The following ZNF75D variants were observed in gnomAD, a reference collection of about 807,000 sequenced individuals.
ZNF75D encodes zinc finger protein 75.
Under a neutral mutation model 33.3 loss-of-function variants are expected in ZNF75D, and 33 were observed. The ratio of observed to expected loss-of-function variants is 0.99; its 90% CI spans 0.75 to 1.32. The LOEUF (loss-of-function observed/expected upper bound fraction) is 1.32, where lower values mean the gene tolerates loss of function less well. Among genes scored for constraint, ZNF75D ranks in the 40% most tolerant of loss-of-function variants. ZNF75D has a pLI of 0.00. For synonymous variants in ZNF75D, 113 were observed against 130.6 expected, an observed-to-expected ratio of 0.87 and a Z score of 0.92; for missense variants, 338 against 367.5, an observed-to-expected ratio of 0.92 and a Z score of 0.66.
rs140863708 is a variant in ZNF75D at position 135,294,118 on chromosome X, G to A, written c.23C>T (p.Ala8Val). 1.6e-4 allele frequency: 197 copies of A among 1,194,768 alleles called. 1 individual carries two copies. The East Asian group carries it at 4.1e-3, about 25-fold the overall frequency. MAMRELN[A>V]DSCSSPQMGA... ...CATCTGGGGGCTTGAGCATGAATCC[G>A]CGTTCAGCTCTCTCATCGCCATTTG... The change falls in exon 3 of 7, where the codon GCG becomes GTG. Residue 8 changes from alanine (A) to valine (V), a missense_variant. Around this residue, in one of 3 missense-constraint regions of ZNF75D, gnomAD observed 254 missense variants for 267.7 expected, o/e 0.95. Coordinates refer to ENST00000370766, the MANE Select transcript of ZNF75D (RefSeq NM_007131.5).
chrX:135,319,356 A>C (rs2084467792), intron 1 of ZNF75D, among the ~76,000 whole-genome samples: 1 of 112,361 alleles, frequency 8.9e-6, no homozygotes, highest in Non-Finnish European at 1.9e-5. Flanking sequence ...TTTGTATTAC[A>C]TGCAACAAAT....
At chrX:135,265,747 G>T (rs920448074) in intron 1 of ZNF75D, among the ~76,000 whole-genome samples, 19 of 111,866 alleles carry the variant, frequency 1.7e-4, no homozygotes, top group Non-Finnish European at 2.4e-4. Flanking sequence ...TGATGGTAAT[G>T]AGCAAGAAGA....
chrX:135,295,062 A>G (rs1302592073), intron 2 of ZNF75D, among the ~76,000 whole-genome samples: 1 of 111,880 alleles, frequency 8.9e-6, no homozygotes, highest in Admixed American at 9.4e-5. Context: ...GGTGATGATT[A>G]AGGTTCTTTA....
chrX:135,294,416 C>T (rs1438359058), intron 2 of ZNF75D, among the ~76,000 whole-genome samples, 158 bp from the exon 3 acceptor site: 2 of 112,354 alleles, frequency 1.8e-5, no homozygotes, highest in African/African-American at 6.5e-5. Context: ...GATTAGATTA[C>T]TCAGGAGGTA....
intron 1 of ZNF75D, among the ~76,000 whole-genome samples, chrX:135,331,894 A>T (rs2084655913): frequency 9.0e-6 from 1 of 111,482 alleles, no homozygotes; most frequent in African/African-American, 3.3e-5. Context: ...CCCTGCTCTG[A>T]TTCAATATTG....
chrX:135,313,114 T>A (rs1160323585), intron 1 of ZNF75D, among the ~76,000 whole-genome samples: 2 of 111,905 alleles, frequency 1.8e-5, no homozygotes, highest in Non-Finnish European at 3.8e-5. Flanking sequence ...TTTCTTCTAC[T>A]AGTTTAATAG....
rs1304224306 is a variant in ZNF75D, at chrX:135,295,812, C to G, written c.-163G>C. 2 of 112,242 alleles carry G rather than the reference C, an allele frequency of 1.8e-5. No individual in the cohort carries two copies. Among genetic ancestry groups the G allele is most frequent in the African/African-American group, 6.5e-5 (2 of 30,785 alleles). 9.3% of individuals were successfully genotyped at this position (112,242 alleles called of 1,213,427 possible). A position where few individuals can be genotyped will look rare whatever the true frequency, so the allele number is the denominator to read the frequency against. Reference sequence around the variant, plus strand: ...CCCCGGAGGCCACTTTCCTCTTCCTCGGCTCGACTACGCCTCTGCCTCTGT... The same window carrying G: ...CCCCGGAGGCCACTTTCCTCTTCCTGGGCTCGACTACGCCTCTGCCTCTGT... On this transcript the variant is annotated 5_prime_UTR_variant, in exon 2 of 7. Coordinates refer to ENST00000370766, the MANE Select transcript of ZNF75D (RefSeq NM_007131.5).
chrX:135,306,369 T>C (rs1178257487), intron 1 of ZNF75D, among the ~76,000 whole-genome samples: 1 of 110,639 alleles, frequency 9.0e-6, no homozygotes, highest in Non-Finnish European at 1.9e-5. Flanking sequence ...CAATTTGTGA[T>C]TTTAAATGTC....
chrX:135,309,575 T>C (rs1281602446), intron 1 of ZNF75D: 1 of 295,064 alleles, frequency 3.4e-6, no homozygotes, highest in Non-Finnish European at 5.9e-6. Context: ...CCACCAAAAA[T>C]GTGCAGGTCT....
chrX:135,292,124 C>T (rs1389026351), intron 4 of ZNF75D, among the ~76,000 whole-genome samples, 157 bp downstream of exon 4: 2 of 111,439 alleles, frequency 1.8e-5, no homozygotes, highest in Non-Finnish European at 3.8e-5. Context: ...CCCAGGCTGA[C>T]CCCCACCTTC....
rs1430015440 is a variant in ZNF75D, at chrX:135,295,962, ATCAGTTCCC to A, written c.-322_-314del. On this transcript the variant is annotated 5_prime_UTR_variant, in exon 2 of 7. Coordinates refer to ENST00000370766, the MANE Select transcript of ZNF75D (RefSeq NM_007131.5). ...TCCAAGATGTGGGGAGTCTTGGAAT[ATCAGTTCCC>A]TCATTCGATCCCTCCACCTCCCGAA... 1 of 110,952 alleles carries A rather than the reference ATCAGTTCCC, an allele frequency of 9.0e-6. No individual in the cohort carries two copies. Among genetic ancestry groups the A allele is most frequent in the Non-Finnish European group, 1.9e-5 (1 of 52,870 alleles). 9.1% of individuals were successfully genotyped at this position (110,952 alleles called of 1,213,427 possible).
At chrX:135,249,486 G>A (rs2083773072) in intron 3 of ZNF75D, among the ~76,000 whole-genome samples, 1 of 107,435 alleles carries the variant, frequency 9.3e-6, no homozygotes, top group African/African-American at 3.4e-5. Flanking sequence ...ATATGCATGA[G>A]TATATTTCTA....
chrX:135,311,357 G>A (rs1456820744), intron 1 of ZNF75D, among the ~76,000 whole-genome samples: 4 of 112,300 alleles, frequency 3.6e-5, no homozygotes, highest in Non-Finnish European at 7.5e-5. Flanking sequence ...TCAGGAAGGA[G>A]AGCTGGGTGT....
chrX:135,282,999 G>A (rs1556418799), downstream of ZNF75D, among the ~76,000 whole-genome samples: 2 of 110,634 alleles, frequency 1.8e-5, no homozygotes, highest in Non-Finnish European at 3.8e-5. Context: ...CTCACACTGA[G>A]ATACACAGAG....
chrX:135,287,708 C>A lies in ZNF75D; in HGVS notation c.962G>T (p.Gly321Val). 8.3e-7 allele frequency: 1 copy of A among 1,211,884 alleles called. No homozygotes were observed. The highest frequency in any genetic ancestry group is 1.1e-6 in the Non-Finnish European group (1 of 895,434). The stretch of plus-strand genomic sequence containing the variant: ...CCATTTCTGTACACTGTGTGTATCA[C>A]CAGGATTTTCCCTGCCCATTGTTTT... ...AQKTMGRENP[G>V]DTHSVQKWHR... The change falls in exon 7 of 7, where the codon GGT (glycine) becomes GTT (valine). Residue 321 changes from glycine to valine, a missense_variant. Coordinates refer to ENST00000370766, the MANE Select transcript of ZNF75D (RefSeq NM_007131.5).
chrX:135,281,434 C>T (rs2083919513), downstream of ZNF75D, among the ~76,000 whole-genome samples: 2 of 110,618 alleles, frequency 1.8e-5, no homozygotes, highest in Admixed American at 9.7e-5. Flanking sequence ...TTAGAACATG[C>T]TCCTTTAGCT....
At chrX:135,297,523 G>A (rs943658522) in intron 1 of ZNF75D, 3 of 112,200 alleles carry the variant, frequency 2.7e-5, no homozygotes, top group Non-Finnish European at 5.6e-5. Flanking sequence ...ACTAACCAGT[G>A]AGGATGGTCA....
chrX:135,339,141 C>T (rs1270712836), intron 1 of ZNF75D, among the ~76,000 whole-genome samples: 2 of 111,153 alleles, frequency 1.8e-5, no homozygotes, highest in Non-Finnish European at 3.8e-5. Context: ...CTTTTGCTCC[C>T]TCATCTCCCT....
intron 1 of ZNF75D, among the ~76,000 whole-genome samples, chrX:135,261,011 G>T (rs781825337): frequency 1.4e-4 from 16 of 111,966 alleles, no homozygotes; most frequent in African/African-American, 5.2e-4. Flanking sequence ...TGTTCTCATT[G>T]GTTTCAAAGA....
Sources: allele counts gnomAD v4.1 joint callset (sites outside exome capture counted in the v4.1 genomes callset), GRCh38; gene constraint gnomAD v4.1.1; regional missense constraint gnomAD v4.1.1; transcripts MANE v1.5; gene names NCBI Gene and HGNC (gene_info 2026-07-23, HGNC 2026-07-21).